TAOK3: variants seen among roughly 807,000 people sequenced by gnomAD.
TAOK3 encodes the protein serine/threonine-protein kinase TAO3.
Under a neutral mutation model 120.4 loss-of-function variants are expected in TAOK3, and 40 were observed. The observed-to-expected ratio is 0.33, with a 90% CI of 0.26 to 0.43. The LOEUF (loss-of-function observed/expected upper bound fraction) is 0.43. Among genes scored for constraint, TAOK3 ranks in the 20% least tolerant of loss-of-function variants. The probability of loss-of-function intolerance (pLI) is 1.00; values close to 1 mark genes in which losing one functional copy is unlikely to be tolerated. For synonymous variants in TAOK3, 355 were observed against 387.5 expected (o/e 0.92, Z 0.99); for missense variants, 821 against 1,112.1 (o/e 0.74, Z 3.72).
intron 9 of TAOK3, among the ~76,000 whole-genome samples, chr12:118,231,927 A>T (rs2139818411): frequency 6.6e-6 from 1 of 152,064 alleles, no homozygotes; most frequent in Middle Eastern, 3.4e-3. Flanking sequence ...TGTCTCAAAA[A>T]AAAAAAGAAA....
intron 9 of TAOK3, among the ~76,000 whole-genome samples, chr12:118,229,568 T>C (rs79153465): frequency 6.6e-6 from 1 of 152,330 alleles, no homozygotes; most frequent in East Asian, 1.9e-4. Flanking sequence ...ATGATATTTA[T>C]CATTATGTTT....
chr12:118,173,875 C>T (rs1473322131), intron 16 of TAOK3, among the ~76,000 whole-genome samples: 1 of 152,214 alleles, frequency 6.6e-6, no homozygotes, highest in Non-Finnish European at 1.5e-5. Context: ...TTTTGTGATG[C>T]CGATATCATA....
At chr12:118,190,908 A>C (rs2037398013) in intron 13 of TAOK3, among the ~76,000 whole-genome samples, 1 of 152,220 alleles carries the variant, frequency 6.6e-6, no homozygotes, top group African/African-American at 2.4e-5. Flanking sequence ...CTTTAGAAAA[A>C]AGGACGCTAT....
At chr12:118,166,827 T>TACAC (rs769244693) in intron 17 of TAOK3, among the ~76,000 whole-genome samples, 17 of 146,620 alleles carry the variant, frequency 1.2e-4, no homozygotes, top group East Asian at 4.0e-4. Flanking sequence ...TATATATATA[T>TACAC]ACACACACAC....
chr12:118,293,851 T>C (rs1566076203), intron 1 of TAOK3, among the ~76,000 whole-genome samples: 1 of 149,068 alleles, frequency 6.7e-6, no homozygotes, highest in African/African-American at 2.5e-5. Flanking sequence ...CTGTCTCTAC[T>C]AAAAATACAA....
intron 14 of TAOK3, among the ~76,000 whole-genome samples, chr12:118,183,602 A>G (rs2036900388): frequency 6.6e-6 from 1 of 152,184 alleles, no homozygotes; most frequent in African/African-American, 2.4e-5. Context: ...TTTGAAATAT[A>G]TGTATCAATT....
Position 118,161,952 on chromosome 12 carries a change from G to C in TAOK3, c.1975C>G (p.Leu659Val). The part of the protein sequence containing the change: ...LIRHDESTRE[L>V]EYRQLHTLQK... ...AACGTGTGCAGCTGCCTGTACTCTA[G>C]CTCTCGGGTGGACTCGTCGTGCCGG... The change falls in exon 18 of 21, where the codon CTA becomes GTA. Residue 659 changes from leucine to valine, a missense_variant. This residue lies in a region of TAOK3 where 354 missense variants were observed against 572.1 expected (regional missense o/e 0.62). Coordinates refer to ENST00000392533, the MANE Select transcript of TAOK3 (RefSeq NM_016281.4). The surrounding 1 kb of genome is among the most constrained non-coding windows in gnomAD (Gnocchi z 4.5). The C allele has an allele frequency of 6.2e-7, 1 of 1,614,116 alleles. No individual in the cohort carries two copies. The highest frequency in any genetic ancestry group is 8.5e-7 in the Non-Finnish European group (1 of 1,180,038).
chr12:118,335,510 T>C (rs1446416218), intron 1 of TAOK3, among the ~76,000 whole-genome samples: 5 of 152,064 alleles, frequency 3.3e-5, no homozygotes, highest in African/African-American at 1.2e-4. Flanking sequence ...GCTGGCTTCC[T>C]TGAAAATTTT....
intron 9 of TAOK3, among the ~76,000 whole-genome samples, chr12:118,223,237 A>G (rs1565973220): frequency 6.8e-6 from 1 of 146,556 alleles, no homozygotes; most frequent in Non-Finnish European, 1.5e-5. Flanking sequence ...CGCCCGGCTA[A>G]TTTTTTTGTA....
At chr12:118,169,574 G>A (rs888617058) in intron 17 of TAOK3, among the ~76,000 whole-genome samples, 3 of 152,084 alleles carry the variant, frequency 2.0e-5, no homozygotes, top group African/African-American at 7.2e-5. Context: ...GCCTCCCAAA[G>A]TGCTGGGATT....
At chr12:118,339,540 A>G (rs2044522354) in intron 1 of TAOK3, among the ~76,000 whole-genome samples, 1 of 151,704 alleles carries the variant, frequency 6.6e-6, no homozygotes, top group African/African-American at 2.4e-5. Flanking sequence ...GGGCTTTGAA[A>G]GAGAGATATT....
rs1231011398 is a variant in TAOK3 at position 118,372,139 on chromosome 12, C to T, written c.-194+509G>A. Among the ~76,000 whole-genome samples, 2 of 151,566 alleles carry T rather than the reference C, an allele frequency of 1.3e-5. No homozygotes were observed. Among genetic ancestry groups the T allele is most frequent in the South Asian group, 2.1e-4 (1 of 4,802 alleles). On this transcript the variant is annotated intron_variant, in intron 1 of 20. Transcript: ENST00000392533. The surrounding 1 kb of genome is among the most constrained non-coding windows in gnomAD (Gnocchi z 4.6). The stretch of plus-strand genomic sequence containing the variant: ...CTCTTTACTCTGTCCTGGATTCTCT[C>T]TGGGTCCCCTCCCCTCACCTCGGGG...
chr12:118,189,547 C>G (rs1242630306), intron 14 of TAOK3, among the ~76,000 whole-genome samples: 1 of 42,170 alleles, frequency 2.4e-5, no homozygotes, highest in East Asian at 5.4e-4. Context: ...CACACACACA[C>G]ACACACACAC....
chr12:118,311,157 G>T (rs764799415), intron 1 of TAOK3, among the ~76,000 whole-genome samples: 1 of 151,964 alleles, frequency 6.6e-6, no homozygotes, highest in Non-Finnish European at 1.5e-5. Flanking sequence ...AAAAATAAAG[G>T]CACAAAGAAT....
At chr12:118,192,215 G>C (rs1367164161) in intron 13 of TAOK3, among the ~76,000 whole-genome samples, 1 of 152,152 alleles carries the variant, frequency 6.6e-6, no homozygotes, top group Non-Finnish European at 1.5e-5. Context: ...TGAGGAAGTT[G>C]AAGTACACCG....
chr12:118,303,060 ACT>A (rs1248398315), intron 1 of TAOK3, among the ~76,000 whole-genome samples: 1 of 152,010 alleles, frequency 6.6e-6, no homozygotes, highest in African/African-American at 2.4e-5. Context: ...ACCTGACACC[ACT>A]CTCATTCCTT....
chr12:118,330,713 A>G (rs1392346295), intron 1 of TAOK3, among the ~76,000 whole-genome samples: 1 of 152,022 alleles, frequency 6.6e-6, no homozygotes, highest in Admixed American at 6.5e-5. Flanking sequence ...AAAAGAGGTA[A>G]AGAGGAAAGG....
intron 17 of TAOK3, among the ~76,000 whole-genome samples, chr12:118,169,875 T>C (rs1484103632): frequency 6.6e-6 from 1 of 151,836 alleles, no homozygotes; most frequent in African/African-American, 2.4e-5. Context: ...TGCCTGCCAC[T>C]GCGCCCAGCC....
intron 1 of TAOK3, among the ~76,000 whole-genome samples, chr12:118,366,817 T>C (rs995369962): frequency 6.6e-6 from 1 of 152,182 alleles, no homozygotes; most frequent in East Asian, 1.9e-4. Context: ...AGGCCAGGCA[T>C]GGTGGCTCAC....
Sources: gnomAD v4.1 joint callset for allele counts (sites outside exome capture counted in the v4.1 genomes callset) on GRCh38, gnomAD v4.1.1 for gene constraint, gnomAD v4.1.1 regional missense constraint, Gnocchi (gnomAD v3.1) non-coding constraint, MANE v1.5 for transcripts, NCBI Gene and HGNC (gene_info 2026-07-23, HGNC 2026-07-21) for gene names.